The following DOCK8 variants were observed in gnomAD, a reference collection of about 807,000 sequenced individuals.
DOCK8 encodes dedicator of cytokinesis 8, also known as dedicator of cytokinesis protein 8.
Under a neutral mutation model 245.6 loss-of-function variants are expected in DOCK8, and 141 were observed. That is an observed-to-expected ratio of 0.57 (90% CI 0.50 to 0.66). The LOEUF (loss-of-function observed/expected upper bound fraction) is 0.66, where lower values mean the gene tolerates loss of function less well. Among genes scored for constraint, DOCK8 ranks in the 30% least tolerant of loss-of-function variants. The pLI is 0.00. For missense variants in DOCK8, 2,965 were observed against 2,603.4 expected (o/e 1.14, Z -3.02); for synonymous variants, 1,168 against 970.2 (o/e 1.20, Z -3.79).
intron 5 of DOCK8, 123 bp downstream of exon 5, chr9:304,827 C>T: frequency 1.5e-6 from 2 of 1,336,664 alleles, no homozygotes; most frequent in Non-Finnish European, 2.1e-6. Context: ...AGGAACTTTA[C>T]CATCTGAGTC....
rs961391116 is a variant in DOCK8, at chr9:390,671, G to A, written c.2970+105G>A. On this transcript the variant is annotated intron_variant, in intron 24 of 47. Coordinates refer to ENST00000432829, the MANE Select transcript of DOCK8 (RefSeq NM_203447.4). ...CTGAGTTGCCCCTGCTGAAAACCTG[G>A]GGTGGTTTCTTGAAATCTAATAATC... is the stretch of plus-strand genomic sequence containing the variant. The A allele has an allele frequency of 5.4e-6, 6 of 1,102,984 alleles. No homozygotes were observed. The East Asian group carries it at 1.4e-4, about 26-fold the overall frequency. 68.3% of individuals were successfully genotyped at this position (1,102,984 alleles called of 1,614,324 possible).
chr9:277,455 AAG>A lies in DOCK8; in HGVS notation c.156+5732_156+5733del, dbSNP rs1554651490. On this transcript the variant is annotated intron_variant, in intron 2 of 47. Transcript: ENST00000432829. ...AGAAAAGAGAAGAGAGGAGAAGAGA[AAG>A]AGAGAAGAGAAGAGAAGAGAAGAGA... Among the ~76,000 whole-genome samples, 620 of 69,398 alleles carry A rather than the reference AAG, an allele frequency of 8.9e-3. 16 individuals are homozygous for A. The highest frequency in any genetic ancestry group is 0.043 in the African/African-American group (463 of 10,688). The allele number at this position is 69,398 out of a possible 152,430, so 45.5% of individuals were successfully genotyped here. A position where few individuals can be genotyped will look rare whatever the true frequency, so the allele number is the denominator to read the frequency against.
intron 26 of DOCK8, among the ~76,000 whole-genome samples, chr9:401,996 C>T (rs1003813002): frequency 1.3e-5 from 2 of 152,200 alleles, no homozygotes; most frequent in African/African-American, 2.4e-5. Flanking sequence ...CTTCACTCCT[C>T]CTTGCCCTCC....
In DOCK8 at chr9:457,079, A is replaced by T. The variant is rs146771404; in HGVS notation, c.6068+4962A>T. On this transcript the variant is annotated intron_variant, in intron 46 of 47. Coordinates refer to ENST00000432829, the MANE Select transcript of DOCK8 (RefSeq NM_203447.4). ...AGAGGAAGGAGAAGGAATTTGTCCGAGTAGCCAAAGGACAACCAAATGTGT... is the reference window on the plus strand; with the variant it reads ...AGAGGAAGGAGAAGGAATTTGTCCGTGTAGCCAAAGGACAACCAAATGTGT... The T allele has an allele frequency of 7.7e-4, 118 of 152,374 alleles. 1 individual carries two copies. Among genetic ancestry groups the T allele is most frequent in the African/African-American group, 2.7e-3 (112 of 41,566 alleles). 9.4% of individuals were successfully genotyped at this position (152,374 alleles called of 1,614,324 possible). A position where few individuals can be genotyped will look rare whatever the true frequency, so the allele number is the denominator to read the frequency against.
intron 33 of DOCK8, among the ~76,000 whole-genome samples, chr9:422,841 T>C (rs1025252868): frequency 6.6e-6 from 1 of 152,022 alleles, no homozygotes; most frequent in Non-Finnish European, 1.5e-5. Context: ...AAAAATTAGC[T>C]GGGCATGATG....
chr9:278,764 G>A (rs2048457597), intron 2 of DOCK8, among the ~76,000 whole-genome samples: 1 of 152,226 alleles, frequency 6.6e-6, no homozygotes, highest in African/African-American at 2.4e-5. Context: ...CAGCAAGGAA[G>A]CAGAATGAGG....
chr9:332,534 C>A, intron 10 of DOCK8, 56 bp downstream of exon 10: 1 of 1,301,138 alleles, frequency 7.7e-7, no homozygotes, highest in South Asian at 1.2e-5. Context: ...CAGGTATTTT[C>A]AGAAGTGTTA....
At position 304,716 on chromosome 9, in the gene DOCK8, C is replaced by A; in HGVS notation, c.528+12C>A. 1.2e-6 allele frequency: 2 copies of A among 1,614,106 alleles called. No homozygotes were observed. Among genetic ancestry groups the A allele is most frequent in the South Asian group, 2.2e-5 (2 of 91,072 alleles). The stretch of plus-strand genomic sequence containing the variant: ...AACCCGCTGCTCAGGTATTTCCTGT[C>A]AACAAACATGGTTACCAGGTTACTG... On this transcript the variant is annotated intron_variant, in intron 5 of 47. Transcript: ENST00000432829.
At chr9:374,958 T>G (rs1349195163) in intron 18 of DOCK8, among the ~76,000 whole-genome samples, 1 of 152,166 alleles carries the variant, frequency 6.6e-6, no homozygotes, top group Non-Finnish European at 1.5e-5. Flanking sequence ...CTCTTCCCCA[T>G]CTGAAGGTCA....
chr9:248,031 T>C (rs1344833531), intron 1 of DOCK8, among the ~76,000 whole-genome samples: 1 of 151,802 alleles, frequency 6.6e-6, no homozygotes, highest in African/African-American at 2.4e-5. Flanking sequence ...GAGCAAACTT[T>C]GTGTTGAAAC....
At chr9:406,519 C>T (rs2055425580) in intron 27 of DOCK8, among the ~76,000 whole-genome samples, 1 of 150,336 alleles carries the variant, frequency 6.7e-6, no homozygotes, top group Non-Finnish European at 1.5e-5. Context: ...AAGAAGGTAC[C>T]TGAGTAAGCA....
intron 1 of DOCK8, among the ~76,000 whole-genome samples, chr9:228,320 A>T (rs1222352941): frequency 6.6e-6 from 1 of 152,180 alleles, no homozygotes; most frequent in Admixed American, 6.5e-5. Context: ...AATATGCAAC[A>T]AATTTTTCTT....
chr9:333,590 G>A (rs763613370), intron 10 of DOCK8, among the ~76,000 whole-genome samples: 194 of 141,398 alleles, frequency 1.4e-3, no homozygotes, highest in Middle Eastern at 3.7e-3. Context: ...GACAGAGTGA[G>A]ACTCTGTCTC....
chr9:430,536 C>T (rs989164333), intron 36 of DOCK8, among the ~76,000 whole-genome samples: 3 of 151,470 alleles, frequency 2.0e-5, no homozygotes, highest in Non-Finnish European at 2.9e-5. Flanking sequence ...AAAAATTAGC[C>T]GGGTGTGGTG....
chr9:336,215 T>C (rs1335733758), intron 11 of DOCK8, among the ~76,000 whole-genome samples: 1 of 152,124 alleles, frequency 6.6e-6, no homozygotes, highest in East Asian at 1.9e-4. Context: ...CCTCTCCCAG[T>C]GGAATGCAAA....
chr9:352,167 G>A (rs1232380293), intron 14 of DOCK8, among the ~76,000 whole-genome samples: 2 of 152,156 alleles, frequency 1.3e-5, no homozygotes, highest in East Asian at 3.9e-4. Context: ...TCTAGAGATA[G>A]CTGCCTGCAA....
At chr9:309,775 G>C (rs1314130877) in intron 5 of DOCK8, among the ~76,000 whole-genome samples, 3 of 152,030 alleles carry the variant, frequency 2.0e-5, no homozygotes, top group East Asian at 3.9e-4. Flanking sequence ...ATTCAGCTTT[G>C]GTGTCTATAC....
intron 4 of DOCK8, among the ~76,000 whole-genome samples, chr9:297,679 A>G (rs2130485334): frequency 6.6e-6 from 1 of 152,172 alleles, no homozygotes; most frequent in African/African-American, 2.4e-5. Context: ...TGTGGCCAGC[A>G]CTTCTGGAAT....
At chr9:437,996 A>G (rs1044359275) in intron 39 of DOCK8, among the ~76,000 whole-genome samples, 4 of 152,278 alleles carry the variant, frequency 2.6e-5, no homozygotes, top group East Asian at 1.9e-4. Context: ...AATGCTTTCA[A>G]CTGAATTTCT....
Sources: gnomAD v4.1 joint callset for allele counts (sites outside exome capture counted in the v4.1 genomes callset) on GRCh38, gnomAD v4.1.1 for gene constraint, MANE v1.5 for transcripts, NCBI Gene and HGNC (gene_info 2026-07-23, HGNC 2026-07-21) for gene names.